PSD3: variants seen among roughly 807,000 people sequenced by gnomAD.
The protein encoded by PSD3 is PH and SEC7 domain-containing protein 3.
PSD3 carries 49 observed loss-of-function variants against 105.5 expected under a neutral mutation model. The ratio of observed to expected loss-of-function variants is 0.46; its 90% CI spans 0.37 to 0.59. PSD3 has a LOEUF of 0.59. Among genes scored for constraint, PSD3 ranks in the 20% least tolerant of loss-of-function variants. PSD3 has a pLI of 0.00. For missense variants in PSD3, 1,561 were observed against 1,263.8 expected, an observed-to-expected ratio of 1.24 and a Z score of -3.57; for synonymous variants, 557 against 457.8, an observed-to-expected ratio of 1.22 and a Z score of -2.77.
At chr8:18,766,695 G>A (rs1807030018) in intron 8 of PSD3, among the ~76,000 whole-genome samples, 1 of 152,166 alleles carries the variant, frequency 6.6e-6, no homozygotes, top group Admixed American at 6.5e-5. Context: ...GCAGAGGAAA[G>A]AAGTCTCCTG....
At chr8:18,922,736 C>A (rs778306297) in intron 2 of PSD3, among the ~76,000 whole-genome samples, 1 of 152,116 alleles carries the variant, frequency 6.6e-6, no homozygotes, top group Non-Finnish European at 1.5e-5. Flanking sequence ...ATTCTCACAG[C>A]CCCCTCCTTG....
intron 12 of PSD3, among the ~76,000 whole-genome samples, chr8:18,590,177 G>T (rs546500918): frequency 1.1e-4 from 17 of 151,980 alleles, no homozygotes; most frequent in Non-Finnish European, 7.4e-5. Context: ...CTCATATATG[G>T]CATTATTATA....
intron 9 of PSD3, among the ~76,000 whole-genome samples, chr8:18,752,947 G>A (rs927612457): frequency 6.6e-6 from 1 of 151,648 alleles, no homozygotes; most frequent in Non-Finnish European, 1.5e-5. Flanking sequence ...TTTGCTCCAG[G>A]AGCAGGAATT....
intron 1 of PSD3, among the ~76,000 whole-genome samples, chr8:18,974,960 C>T (rs960192858): frequency 2.6e-5 from 4 of 152,102 alleles, no homozygotes; most frequent in African/African-American, 4.8e-5. Context: ...AGTTACCATG[C>T]ACTGTTGCCA....
intron 1 of PSD3, among the ~76,000 whole-genome samples, chr8:18,978,424 G>A (rs1425183430): frequency 6.6e-6 from 1 of 152,180 alleles, no homozygotes; most frequent in Non-Finnish European, 1.5e-5. Flanking sequence ...AGTAGAAAGG[G>A]AAACGTGAGG....
chr8:18,734,747 C>T (rs1425845348), intron 9 of PSD3, among the ~76,000 whole-genome samples: 1 of 152,156 alleles, frequency 6.6e-6, no homozygotes, highest in African/African-American at 2.4e-5. Context: ...CAGCTTTAAG[C>T]CTGTGAACCC....
intron 4 of PSD3, among the ~76,000 whole-genome samples, chr8:18,861,645 G>A (rs1187838522): frequency 6.6e-6 from 1 of 152,090 alleles, no homozygotes; most frequent in Non-Finnish European, 1.5e-5. Flanking sequence ...AGCCCCATGT[G>A]TCCTAGAGTC....
At chr8:18,731,830 C>T (rs1344477612) in intron 9 of PSD3, among the ~76,000 whole-genome samples, 1 of 152,160 alleles carries the variant, frequency 6.6e-6, no homozygotes. Flanking sequence ...GCAAACTCTC[C>T]TTGGAGTGTC....
intron 8 of PSD3, among the ~76,000 whole-genome samples, chr8:18,782,874 A>G (rs1808775876): frequency 6.6e-6 from 1 of 152,218 alleles, no homozygotes; most frequent in Admixed American, 6.5e-5. Flanking sequence ...TAGGCAGGGC[A>G]GTGGCAGTCT....
chr8:18,950,920 G>C (rs1420236588), intron 1 of PSD3, among the ~76,000 whole-genome samples: 1 of 152,058 alleles, frequency 6.6e-6, no homozygotes, highest in African/African-American at 2.4e-5. Context: ...TGTTGCTCTA[G>C]GGCCGAGCTG....
intron 8 of PSD3, among the ~76,000 whole-genome samples, chr8:18,774,311 A>T (rs1419917347): frequency 6.6e-6 from 1 of 152,214 alleles, no homozygotes; most frequent in Non-Finnish European, 1.5e-5. Context: ...TATATCGTAT[A>T]ATGATCAGAA....
chr8:18,681,224 C>T lies in PSD3; in HGVS notation c.2173-25539G>A, dbSNP rs1448359994. Among the ~76,000 whole-genome samples the T allele has an allele frequency of 2.6e-5, 4 of 151,896 alleles. No homozygotes were observed. In the East Asian group the frequency reaches 5.8e-4, roughly 22 times the overall value. On this transcript the variant is annotated intron_variant, in intron 9 of 15. Coordinates refer to ENST00000327040, the MANE Select transcript of PSD3 (RefSeq NM_015310.4). ...GACATGAGAGGGTGGAGAGAGGTGGCAATGGGGATCTTCTAATCATCAAAT... is the reference window on the plus strand; with the variant it reads ...GACATGAGAGGGTGGAGAGAGGTGGTAATGGGGATCTTCTAATCATCAAAT...
chr8:18,537,522 C>T (rs1032921658), intron 15 of PSD3, among the ~76,000 whole-genome samples: 2 of 152,202 alleles, frequency 1.3e-5, no homozygotes, highest in Non-Finnish European at 2.9e-5. Flanking sequence ...ACCAGAGATA[C>T]TTACTTTCCC....
intron 1 of PSD3, among the ~76,000 whole-genome samples, chr8:19,032,279 G>A (rs116048498): frequency 0.016 from 2,384 of 152,078 alleles, 64 homozygotes; most frequent in African/African-American, 0.054. Flanking sequence ...CACACACATG[G>A]TAAGTGAGAT....
chr8:18,714,830 T>C (rs1028605788), intron 9 of PSD3, among the ~76,000 whole-genome samples: 1 of 152,178 alleles, frequency 6.6e-6, no homozygotes, highest in Non-Finnish European at 1.5e-5. Context: ...CACATGCACG[T>C]GTATGTTCAC....
chr8:18,726,371 T>C (rs1563202411), intron 9 of PSD3, among the ~76,000 whole-genome samples: 1 of 152,232 alleles, frequency 6.6e-6, no homozygotes, highest in Non-Finnish European at 1.5e-5. Flanking sequence ...GTCTTCCACA[T>C]ACAGAAAAGG....
At chr8:18,963,387 T>G (rs576841210) in intron 1 of PSD3, among the ~76,000 whole-genome samples, 39 of 152,344 alleles carry the variant, frequency 2.6e-4, no homozygotes, top group African/African-American at 9.1e-4. Context: ...TCAAAACTTT[T>G]CTCATGCAAA....
Position 18,908,013 on chromosome 8 carries a change from G to A in PSD3, c.130+28021C>T, listed in dbSNP as rs149580706. On this transcript the variant is annotated intron_variant, in intron 2 of 15. Transcript: ENST00000327040. ...TGAAATGGTTAAAATCAAACTATCT[G>A]TAGAATATACATATATTGATGGATG... 2.4e-4 allele frequency among the ~76,000 whole-genome samples: 36 copies of A among 152,278 alleles called. No individual in the cohort carries two copies. The East Asian group carries it at 5.2e-3, about 22-fold the overall frequency.
chr8:18,986,404 G>T (rs939525795), intron 1 of PSD3, among the ~76,000 whole-genome samples: 1 of 151,940 alleles, frequency 6.6e-6, no homozygotes, highest in African/African-American at 2.4e-5. Context: ...TTAATTCCCA[G>T]AACACGCTTG....
Sources: allele counts gnomAD v4.1 joint callset (sites outside exome capture counted in the v4.1 genomes callset), GRCh38; gene constraint gnomAD v4.1.1; transcripts MANE v1.5; gene names NCBI Gene and HGNC (gene_info 2026-07-23, HGNC 2026-07-21).